Variants in MFHAS1 observed in about 807,000 individuals in gnomAD.
MFHAS1 encodes the protein malignant fibrous histiocytoma-amplified sequence 1.
In MFHAS1, 50 loss-of-function variants were observed where a neutral mutation model predicts 70.4. The ratio of observed to expected loss-of-function variants is 0.71; its 90% CI spans 0.57 to 0.90. The LOEUF is 0.90. MFHAS1 is among the 40% of genes least tolerant of loss of function. The probability of loss-of-function intolerance (pLI) is 0.00; values close to 1 mark genes in which losing one functional copy is unlikely to be tolerated. For missense variants in MFHAS1, 1,795 were observed against 1,347.6 expected (o/e 1.33, Z -5.20); for synonymous variants, 952 against 620.0 (o/e 1.54, Z -7.96).
rs977113500 is a variant in MFHAS1 at position 8,827,587 on chromosome 8, T to C, written c.2999-30096A>G. On this transcript the variant is annotated intron_variant, in intron 1 of 2. Coordinates refer to ENST00000276282, the MANE Select transcript of MFHAS1 (RefSeq NM_004225.3). ...ACTATTCCATTTTTCATTTTTCCTA[T>C]TGACTTCTAAGACTTCTTTCCATGT... Among the ~76,000 whole-genome samples, 7 of 152,368 alleles carry C rather than the reference T, an allele frequency of 4.6e-5. No homozygotes were observed. In the South Asian group the frequency reaches 6.2e-4, roughly 14 times the overall value.
intron 1 of MFHAS1, among the ~76,000 whole-genome samples, chr8:8,877,323 A>G (rs1809337161): frequency 6.7e-6 from 1 of 149,662 alleles, no homozygotes; most frequent in African/African-American, 2.4e-5. Flanking sequence ...AAAAAAAACT[A>G]CGGTGTTCCA....
chr8:8,857,685 G>C (rs190607089), intron 1 of MFHAS1, among the ~76,000 whole-genome samples: 3 of 151,840 alleles, frequency 2.0e-5, no homozygotes, highest in Admixed American at 1.3e-4. Flanking sequence ...GCTTGAACCC[G>C]GGAGGCAGAG....
At chr8:8,865,946 C>T (rs765074542) in intron 1 of MFHAS1, among the ~76,000 whole-genome samples, 67 of 152,308 alleles carry the variant, frequency 4.4e-4, no homozygotes, top group Non-Finnish European at 8.7e-4. Flanking sequence ...CTTGTTCAGG[C>T]GGCTTGGCCT....
chr8:8,890,560 G>T lies in MFHAS1; in HGVS notation c.2499C>A (p.Leu833=). ...LLEKMGLCYC[L]NKPKGKPLNG... is the part of the protein sequence containing the mutation. ...TCAAAGGCTTGCCCTTGGGTTTATT[G>T]AGGCAGTAACAGAGTCCCATCTTCT... The change falls in exon 1 of 3, where the codon CTC becomes CTA. Residue 833 remains leucine, a synonymous_variant. Coordinates refer to ENST00000276282, the MANE Select transcript of MFHAS1 (RefSeq NM_004225.3). The T allele has an allele frequency of 6.2e-7, 1 of 1,613,532 alleles. No homozygotes were observed. Among genetic ancestry groups the T allele is most frequent in the Non-Finnish European group, 8.5e-7 (1 of 1,180,038 alleles).
At chr8:8,789,567 G>C (rs560279133) in intron 2 of MFHAS1, among the ~76,000 whole-genome samples, 1 of 152,146 alleles carries the variant, frequency 6.6e-6, no homozygotes, top group Non-Finnish European at 1.5e-5. Flanking sequence ...GCAAGGTACC[G>C]AGACACTTAG....
intron 1 of MFHAS1, among the ~76,000 whole-genome samples, chr8:8,812,002 G>A (rs1806566423): frequency 6.6e-6 from 1 of 152,136 alleles, no homozygotes; most frequent in South Asian, 2.1e-4. Flanking sequence ...CCCAAAACCA[G>A]AAGCACTCCA....
intron 1 of MFHAS1, among the ~76,000 whole-genome samples, chr8:8,800,649 C>A (rs945486399): frequency 6.6e-6 from 1 of 152,188 alleles, no homozygotes; most frequent in African/African-American, 2.4e-5. Context: ...TAGCTCCTTG[C>A]CTGCTTATCT....
intron 1 of MFHAS1, among the ~76,000 whole-genome samples, chr8:8,833,335 A>C (rs1337069742): frequency 1.3e-5 from 2 of 152,224 alleles, no homozygotes; most frequent in Non-Finnish European, 2.9e-5. Context: ...AGCTTCCTAT[A>C]AAGCTAGACA....
Position 8,783,994 on chromosome 8 carries a change from G to C in MFHAS1, c.*2028C>G, listed in dbSNP as rs114118146. ...CTGCTTCTCTAGGGTTCAGATGACA[G>C]CATAAAACATCACTGGTCAAAAATA... On this transcript the variant is annotated 3_prime_UTR_variant, in exon 3 of 3. Transcript: ENST00000276282. 451 of 152,292 alleles carry C rather than the reference G, an allele frequency of 3.0e-3. 4 individuals are homozygous for C. The highest frequency in any genetic ancestry group is 0.01 in the African/African-American group (432 of 41,534). The allele number at this position is 152,292 out of a possible 1,614,324, so 9.4% of individuals were successfully genotyped here. A position where few individuals can be genotyped will look rare whatever the true frequency, so the allele number is the denominator to read the frequency against.
At chr8:8,847,098 G>A (rs1354664335) in intron 1 of MFHAS1, among the ~76,000 whole-genome samples, 1 of 152,196 alleles carries the variant, frequency 6.6e-6, no homozygotes, top group Non-Finnish European at 1.5e-5. Context: ...ACCAAAATGA[G>A]GCTAACACCA....
intron 1 of MFHAS1, among the ~76,000 whole-genome samples, chr8:8,830,439 A>T (rs1048449490): frequency 6.6e-6 from 1 of 152,180 alleles, no homozygotes; most frequent in Non-Finnish European, 1.5e-5. Flanking sequence ...AATACAAGTA[A>T]AAGAGAAAAT....
At chr8:8,837,611 C>T (rs1309291418) in intron 1 of MFHAS1, among the ~76,000 whole-genome samples, 2 of 151,826 alleles carry the variant, frequency 1.3e-5, no homozygotes, top group Non-Finnish European at 2.9e-5. Context: ...CCACTGCACT[C>T]CAGCCTGGGC....
chr8:8,792,064 C>T (rs912233843), intron 2 of MFHAS1, among the ~76,000 whole-genome samples: 1 of 151,430 alleles, frequency 6.6e-6, no homozygotes, highest in African/African-American at 2.4e-5. Flanking sequence ...ACAGTGAAAC[C>T]CTATCTCTAC....
chr8:8,852,060 T>C (rs1455955122), intron 1 of MFHAS1, among the ~76,000 whole-genome samples: 1 of 152,140 alleles, frequency 6.6e-6, no homozygotes, highest in East Asian at 1.9e-4. Context: ...CCGGCTTCCA[T>C]TCGAAGGAGA....
chr8:8,833,372 T>G (rs1022013257), intron 1 of MFHAS1, among the ~76,000 whole-genome samples: 4 of 152,190 alleles, frequency 2.6e-5, no homozygotes, highest in Non-Finnish European at 4.4e-5. Context: ...ATTCATGCCA[T>G]AATCCTAACA....
chr8:8,786,960 A>ACAAAG (rs1805565684), intron 2 of MFHAS1, among the ~76,000 whole-genome samples: 1 of 152,248 alleles, frequency 6.6e-6, no homozygotes, highest in East Asian at 1.9e-4. Context: ...ACAAAACAAA[A>ACAAAG]AAACCAAAAA....
intron 1 of MFHAS1, among the ~76,000 whole-genome samples, chr8:8,802,693 T>C (rs1352381160): frequency 2.6e-5 from 4 of 152,152 alleles, no homozygotes; most frequent in African/African-American, 9.7e-5. Flanking sequence ...AGACTGTCCA[T>C]GATCAGCTGG....
chr8:8,856,607 T>A (rs868761061), intron 1 of MFHAS1, among the ~76,000 whole-genome samples: 1 of 152,240 alleles, frequency 6.6e-6, no homozygotes, highest in South Asian at 2.1e-4. Flanking sequence ...ATTAGCTTAA[T>A]AGTATTTTAC....
chr8:8,806,545 T>A (rs1447585122), intron 1 of MFHAS1, among the ~76,000 whole-genome samples: 1 of 152,342 alleles, frequency 6.6e-6, no homozygotes, highest in African/African-American at 2.4e-5. Context: ...TTCTTTAAAC[T>A]TACTGTTCTC....
Sources: gnomAD v4.1 joint callset for allele counts (sites outside exome capture counted in the v4.1 genomes callset) on GRCh38, gnomAD v4.1.1 for gene constraint, MANE v1.5 for transcripts, NCBI Gene and HGNC (gene_info 2026-07-23, HGNC 2026-07-21) for gene names.